The following SMURF1 variants were observed in gnomAD, a reference collection of about 807,000 sequenced individuals.
SMURF1 encodes E3 ubiquitin-protein ligase SMURF1.
Under a neutral mutation model 98.0 loss-of-function variants are expected in SMURF1, and 44 were observed. The observed-to-expected ratio is 0.45, with a 90% CI of 0.35 to 0.58. The LOEUF is 0.58. SMURF1 is among the 20% of genes least tolerant of loss of function. SMURF1 has a pLI of 0.00. For synonymous variants in SMURF1, 396 were observed against 374.9 expected (o/e 1.06, Z -0.65); for missense variants, 687 against 938.4 (o/e 0.73, Z 3.50).
At chr7:99,083,041 G>C (rs185117874) in intron 1 of SMURF1, among the ~76,000 whole-genome samples, 8 of 152,114 alleles carry the variant, frequency 5.3e-5, no homozygotes, top group Admixed American at 3.9e-4. Flanking sequence ...GTTTGCATAG[G>C]ATGGTGGGGC....
chr7:99,071,248 C>T (rs1332370292), intron 1 of SMURF1, among the ~76,000 whole-genome samples: 4 of 151,876 alleles, frequency 2.6e-5, no homozygotes, highest in African/African-American at 9.7e-5. Context: ...TTAGTAGAGA[C>T]GAGGTTTCGC....
At chr7:99,141,343 C>A (rs1251612853) in intron 1 of SMURF1, among the ~76,000 whole-genome samples, 1 of 152,216 alleles carries the variant, frequency 6.6e-6, no homozygotes, top group Non-Finnish European at 1.5e-5. Flanking sequence ...CTAAAACATT[C>A]ATCATATTTC....
intron 1 of SMURF1, among the ~76,000 whole-genome samples, chr7:99,118,447 T>C (rs1176694796): frequency 6.6e-6 from 1 of 152,208 alleles, no homozygotes; most frequent in Non-Finnish European, 1.5e-5. Flanking sequence ...TGCAATCAAA[T>C]ATTACTTAGC....
intron 1 of SMURF1, among the ~76,000 whole-genome samples, chr7:99,122,676 A>C (rs181582190): frequency 9.5e-5 from 14 of 147,028 alleles, no homozygotes. Context: ...AGTGTCCTTG[A>C]CCGCACTACT....
chr7:99,132,273 C>T (rs1033982534), intron 1 of SMURF1, among the ~76,000 whole-genome samples: 6 of 152,216 alleles, frequency 3.9e-5, no homozygotes, highest in Non-Finnish European at 8.8e-5. Flanking sequence ...TGTCCTCCGA[C>T]GCCCAACTCA....
In SMURF1 at chr7:99,120,150, G is replaced by GCT. The variant is rs559703813; in HGVS notation, c.55+23574_55+23575dup. ...CCCCTTCCCTCACCATGTGATGCCT[G>GCT]CTCTCTGTCTTCCGCTATGATTGGA... On this transcript the variant is annotated intron_variant, in intron 1 of 17. Coordinates refer to ENST00000361368, the MANE Select transcript of SMURF1 (RefSeq NM_181349.3). 1.3e-3 allele frequency among the ~76,000 whole-genome samples: 198 copies of GCT among 152,260 alleles called. 2 individuals are homozygous for GCT. In the Middle Eastern group the frequency reaches 0.017, roughly 13 times the overall value.
rs1563010579 is a variant in SMURF1, at chr7:99,059,414, AAAT to A, written c.203+1182_203+1184del. 2.8e-3 allele frequency among the ~76,000 whole-genome samples: 150 copies of A among 52,666 alleles called. 8 individuals are homozygous for A. The highest frequency in any genetic ancestry group is 0.01 in the African/African-American group (136 of 13,520). The allele number at this position is 52,666 out of a possible 152,430, so 34.6% of individuals were successfully genotyped here. A position where few individuals can be genotyped will look rare whatever the true frequency, so the allele number is the denominator to read the frequency against. The stretch of plus-strand genomic sequence containing the variant: ...CTCCATCTCAAAAAAAAATAAAATA[AAAT>A]AAAATAAAATAAAATAAAATAAAAT... On this transcript the variant is annotated intron_variant, in intron 3 of 17. Transcript: ENST00000361368.
intron 1 of SMURF1, among the ~76,000 whole-genome samples, chr7:99,138,754 AG>A (rs1563046759): frequency 3.0e-4 from 45 of 152,360 alleles, no homozygotes; most frequent in African/African-American, 1.1e-3. Context: ...GAAAAAAGAA[AG>A]TTGTTCTAAA....
chr7:99,072,208 G>A (rs1266506341), intron 1 of SMURF1, among the ~76,000 whole-genome samples: 1 of 152,156 alleles, frequency 6.6e-6, no homozygotes, highest in East Asian at 1.9e-4. Context: ...TTATTTTATA[G>A]AGATAGGATT....
intron 1 of SMURF1, among the ~76,000 whole-genome samples, chr7:99,116,713 A>T (rs1167269714): frequency 6.6e-6 from 1 of 152,260 alleles, no homozygotes; most frequent in Non-Finnish European, 1.5e-5. Context: ...CTGAAGACTT[A>T]GACATCCTGT....
intron 1 of SMURF1, among the ~76,000 whole-genome samples, chr7:99,088,599 G>A (rs1796734251): frequency 6.6e-6 from 1 of 151,900 alleles, no homozygotes; most frequent in Admixed American, 6.6e-5. Flanking sequence ...AATAAACACT[G>A]ACACAGAGAA....
intron 3 of SMURF1, among the ~76,000 whole-genome samples, chr7:99,060,257 T>C (rs543842194): frequency 2.6e-5 from 4 of 151,178 alleles, no homozygotes; most frequent in Middle Eastern, 3.4e-3. Flanking sequence ...CATATGTCCA[T>C]AATCCCAGCT....
intron 1 of SMURF1, among the ~76,000 whole-genome samples, chr7:99,122,473 A>G (rs1288630479): frequency 6.6e-6 from 1 of 151,516 alleles, no homozygotes; most frequent in Non-Finnish European, 1.5e-5. Flanking sequence ...ATGAAACCTC[A>G]TCTCTACTAA....
At position 99,143,901 on chromosome 7, in the gene SMURF1, G is replaced by C. The variant is rs1241316734; in HGVS notation, c.-121C>G. 9.0e-6 allele frequency: 8 copies of C among 892,688 alleles called. No individual in the cohort carries two copies. The highest frequency in any genetic ancestry group is 1.2e-5 in the Non-Finnish European group (8 of 647,722). 55.3% of individuals were successfully genotyped at this position (892,688 alleles called of 1,614,324 possible). A position where few individuals can be genotyped will look rare whatever the true frequency, so the allele number is the denominator to read the frequency against. On this transcript the variant is annotated 5_prime_UTR_variant, in exon 1 of 18. Coordinates refer to ENST00000361368, the MANE Select transcript of SMURF1 (RefSeq NM_181349.3). Reference sequence around the variant, plus strand: ...CGGGCTGGGCGCCGGGGTCCGAGCCGGGACACAAACTCCGCGGCCCAGGCG... The same window carrying C: ...CGGGCTGGGCGCCGGGGTCCGAGCCCGGACACAAACTCCGCGGCCCAGGCG...
intron 10 of SMURF1, among the ~76,000 whole-genome samples, chr7:99,046,733 A>G (rs1358534276): frequency 8.6e-6 from 1 of 116,910 alleles, no homozygotes; most frequent in Non-Finnish European, 1.8e-5. Flanking sequence ...CTCCGTCTCA[A>G]AAAAAAAAAA....
chr7:99,049,814 G>T, intron 8 of SMURF1, 105 bp from the exon 9 acceptor site: 2 of 1,142,010 alleles, frequency 1.8e-6, no homozygotes, highest in Non-Finnish European at 2.5e-6. Context: ...AGGTGTCTGT[G>T]TCCCAGCTCT....
chr7:99,117,630 C>T (rs1278222278), intron 1 of SMURF1, among the ~76,000 whole-genome samples: 3 of 151,086 alleles, frequency 2.0e-5, no homozygotes, highest in East Asian at 2.0e-4. Flanking sequence ...GGATTACAGG[C>T]GTGAGCCACT....
rs573428343 is a variant in SMURF1 at position 99,120,576 on chromosome 7, G to A, written c.55+23150C>T. The A allele has an allele frequency of 6.0e-5, 9 of 151,224 alleles. No homozygotes were observed. The East Asian group carries it at 1.4e-3, about 23-fold the overall frequency. 9.4% of individuals were successfully genotyped at this position (151,224 alleles called of 1,614,324 possible). ...TGGCAGAATCTCCCAAAGAAGCCGA[G>A]AGTGAGAGCCAGTCCTTCCTGCCCT... On this transcript the variant is annotated intron_variant, in intron 1 of 17. Coordinates refer to ENST00000361368, the MANE Select transcript of SMURF1 (RefSeq NM_181349.3).
rs569762266 is a variant in SMURF1 at position 99,090,518 on chromosome 7, C to T, written c.56-28681G>A. Among the ~76,000 whole-genome samples the T allele has an allele frequency of 2.6e-5, 4 of 152,196 alleles. No homozygotes were observed. The South Asian group carries it at 8.3e-4, about 32-fold the overall frequency. The stretch of plus-strand genomic sequence containing the variant: ...GACAGAGAGGAGGAGTGGGAAAGGG[C>T]AGGGCAGGGGGCAAGAAGAGAGAGA... On this transcript the variant is annotated intron_variant, in intron 1 of 17. Coordinates refer to ENST00000361368, the MANE Select transcript of SMURF1 (RefSeq NM_181349.3).
Sources: gnomAD v4.1 joint callset for allele counts (sites outside exome capture counted in the v4.1 genomes callset) on GRCh38, gnomAD v4.1.1 for gene constraint, MANE v1.5 for transcripts, NCBI Gene and HGNC (gene_info 2026-07-23, HGNC 2026-07-21) for gene names.